SYT6: variants seen among roughly 807,000 people sequenced by gnomAD.
The protein encoded by SYT6 is synaptotagmin-6.
A neutral mutation model predicts 38.4 loss-of-function variants in SYT6; 24 were observed. The observed-to-expected ratio is 0.62, with a 90% CI of 0.45 to 0.88. The LOEUF is 0.88. SYT6 is among the 40% of genes least tolerant of loss of function. The pLI, the probability that SYT6 is intolerant of heterozygous loss-of-function variation, is 0.00. For missense variants in SYT6, 611 were observed against 621.0 expected, an observed-to-expected ratio of 0.98 and a Z score of 0.17; for synonymous variants, 265 against 241.9, an observed-to-expected ratio of 1.10 and a Z score of -0.89.
In SYT6 at chr1:114,097,332, C is replaced by T. The variant is rs188488806; in HGVS notation, c.1515+395G>A. Among the ~76,000 whole-genome samples the T allele has an allele frequency of 4.2e-4, 64 of 152,360 alleles. No homozygotes were observed. The East Asian group carries it at 0.011, about 27-fold the overall frequency. ...CCAAGTGACTTCCTTGCTTGAGCCTCAGGGAACTTACTGTTCTGACAGGGG... is the reference window on the plus strand; with the variant it reads ...CCAAGTGACTTCCTTGCTTGAGCCTTAGGGAACTTACTGTTCTGACAGGGG... On this transcript the variant is annotated intron_variant, in intron 6 of 7. Coordinates refer to ENST00000610222, the MANE Select transcript of SYT6 (RefSeq NM_001253772.2).
At chr1:114,103,808 G>T (rs909249191) in intron 3 of SYT6, 87 bp from the exon 4 acceptor site, 3 of 1,510,528 alleles carry the variant, frequency 2.0e-6, no homozygotes, top group Non-Finnish European at 2.7e-6. Context: ...GGCGCTCTGG[G>T]GTCAGGAGGA....
intron 3 of SYT6, among the ~76,000 whole-genome samples, chr1:114,107,819 A>G (rs190950690): frequency 2.6e-5 from 4 of 152,266 alleles, no homozygotes; most frequent in South Asian, 2.1e-4. Context: ...CCAGCCTTTT[A>G]TCCTCATTAG....
chr1:114,112,208 T>A (rs11102734), intron 3 of SYT6, among the ~76,000 whole-genome samples: 13,564 of 152,250 alleles, frequency 0.089, 843 homozygotes, highest in Non-Finnish European at 0.13. Context: ...GACACAGAGC[T>A]AAGGACTGCC....
At chr1:114,138,397 A>G (rs1678639888) in intron 2 of SYT6, among the ~76,000 whole-genome samples, 2 of 152,164 alleles carry the variant, frequency 1.3e-5, no homozygotes, top group South Asian at 4.1e-4. Context: ...TTATTAAATC[A>G]TGAGATTCCT....
At chr1:114,106,347 G>A (rs1404395205) in intron 3 of SYT6, among the ~76,000 whole-genome samples, 1 of 152,080 alleles carries the variant, frequency 6.6e-6, no homozygotes, top group Non-Finnish European at 1.5e-5. Context: ...TGCGAGGTAG[G>A]TGCTCTCTCT....
chr1:114,105,461 C>CT (rs397707285), intron 3 of SYT6, among the ~76,000 whole-genome samples: 16 of 150,262 alleles, frequency 1.1e-4, no homozygotes, highest in Non-Finnish European at 1.3e-4. Context: ...AGTCACCCCC[C>CT]AAATCAAATT....
rs1295916104 is a variant in SYT6, at chr1:114,114,689, T to C, written c.1072-10968A>G. Reference sequence around the variant, plus strand: ...TTGCATTATTGACAGGCTTCCCAGATGAGTGTTACATAGCCTCAGTTCGTG... The same window carrying C: ...TTGCATTATTGACAGGCTTCCCAGACGAGTGTTACATAGCCTCAGTTCGTG... On this transcript the variant is annotated intron_variant, in intron 3 of 7. Coordinates refer to ENST00000610222, the MANE Select transcript of SYT6 (RefSeq NM_001253772.2). Among the ~76,000 whole-genome samples the C allele has an allele frequency of 2.0e-5, 3 of 152,204 alleles. No individual in the cohort carries two copies. In the East Asian group the frequency reaches 5.8e-4, roughly 29 times the overall value.
intron 3 of SYT6, among the ~76,000 whole-genome samples, chr1:114,135,376 T>C (rs1678415552): frequency 6.6e-6 from 1 of 152,320 alleles, no homozygotes; most frequent in South Asian, 2.1e-4. Context: ...CATGGACTTT[T>C]CCTGTCTCTG....
chr1:114,120,337 G>A (rs12732487), intron 3 of SYT6, among the ~76,000 whole-genome samples: 17,187 of 152,112 alleles, frequency 0.11, 1,031 homozygotes, highest in South Asian at 0.23. Flanking sequence ...TTTACTTAAT[G>A]GACGCTGAAT....
chr1:114,153,620 C>T lies in SYT6; in HGVS notation c.153G>A (p.Ala51=). 1.7e-6 allele frequency: 1 copy of T among 600,956 alleles called. No individual in the cohort carries two copies. The highest frequency in any genetic ancestry group is 2.0e-5 in the South Asian group (1 of 50,104). The allele number at this position is 600,956 out of a possible 1,614,324, so 37.2% of individuals were successfully genotyped here. ...TGGGTCTCCCGTTACCTGCGCCTGCCGCGCTGGGACTCCGCTCTGGGGGCT... is the reference window on the plus strand; with the variant it reads ...TGGGTCTCCCGTTACCTGCGCCTGCTGCGCTGGGACTCCGCTCTGGGGGCT... ...ELQPPERSPS[A]AGAGTSVSLL... The change falls in exon 1 of 8, where the codon GCG becomes GCA. Residue 51 remains alanine, a synonymous_variant. Transcript: ENST00000610222.
chr1:114,112,099 C>T (rs17032344), intron 3 of SYT6, among the ~76,000 whole-genome samples: 4,216 of 152,154 alleles, frequency 0.028, 171 homozygotes, highest in African/African-American at 0.083. Context: ...TCAAGTGCTT[C>T]TCTGCCCCAA....
chr1:114,093,376 C>A (rs1675434866), intron 7 of SYT6, among the ~76,000 whole-genome samples: 2 of 152,218 alleles, frequency 1.3e-5, no homozygotes, highest in African/African-American at 2.4e-5. Context: ...TCTTAGGACT[C>A]CCTGTTCAGG....
At chr1:114,095,701 T>C (rs113480049) in intron 6 of SYT6, among the ~76,000 whole-genome samples, 53 of 151,552 alleles carry the variant, frequency 3.5e-4, no homozygotes, top group South Asian at 6.3e-4. Flanking sequence ...CGCTCTGTTG[T>C]CCAGGCTGGA....
At chr1:114,140,827 C>T (rs1322938362) in intron 1 of SYT6, among the ~76,000 whole-genome samples, 1 of 152,188 alleles carries the variant, frequency 6.6e-6, no homozygotes, top group East Asian at 1.9e-4. Context: ...TTGTGTCTGT[C>T]ACGTTTTGTT....
intron 3 of SYT6, among the ~76,000 whole-genome samples, chr1:114,109,101 G>T (rs970666782): frequency 6.6e-6 from 1 of 152,180 alleles, no homozygotes; most frequent in Non-Finnish European, 1.5e-5. Flanking sequence ...CTGTGTTGGG[G>T]GTACAGAGAT....
intron 3 of SYT6, among the ~76,000 whole-genome samples, chr1:114,109,160 T>A (rs1361636609): frequency 1.5e-4 from 23 of 152,208 alleles, no homozygotes; most frequent in Admixed American, 1.5e-3. Context: ...GCCCCTGTGA[T>A]ATCTCCTCCC....
intron 1 of SYT6, among the ~76,000 whole-genome samples, chr1:114,144,733 T>C (rs537717565): frequency 6.4e-4 from 98 of 152,190 alleles, no homozygotes; most frequent in African/African-American, 2.3e-3. Flanking sequence ...GGGATCCAGG[T>C]ACTCCCACAG....
chr1:114,106,079 C>T (rs532040910), intron 3 of SYT6, among the ~76,000 whole-genome samples: 2 of 152,318 alleles, frequency 1.3e-5, no homozygotes, highest in East Asian at 3.9e-4. Flanking sequence ...ATAGCAAGTG[C>T]CCTGTGCCCT....
chr1:114,153,839 AC>A lies in SYT6; in HGVS notation c.-68del. The stretch of plus-strand genomic sequence containing the variant: ...CGCCCCGGCCGCACTGGGGCGGGGC[AC>A]GACGGCCCCAAGAAGACCCTCCCTG... On this transcript the variant is annotated 5_prime_UTR_variant, in exon 1 of 8. Transcript: ENST00000610222. 1 of 576,338 alleles carries A rather than the reference AC, an allele frequency of 1.7e-6. No individual in the cohort carries two copies. The highest frequency in any genetic ancestry group is 3.0e-6 in the Non-Finnish European group (1 of 332,908). 35.7% of individuals were successfully genotyped at this position (576,338 alleles called of 1,614,324 possible). A position where few individuals can be genotyped will look rare whatever the true frequency, so the allele number is the denominator to read the frequency against.
Sources: allele counts gnomAD v4.1 joint callset (sites outside exome capture counted in the v4.1 genomes callset), GRCh38; gene constraint gnomAD v4.1.1; transcripts MANE v1.5; gene names NCBI Gene and HGNC (gene_info 2026-07-23, HGNC 2026-07-21).